SLC24A2: variants seen among roughly 807,000 people sequenced by gnomAD.
The protein encoded by SLC24A2 is sodium/potassium/calcium exchanger 2.
A neutral mutation model predicts 62.0 loss-of-function variants in SLC24A2; 36 were observed. That is an observed-to-expected ratio of 0.58 (90% CI 0.44 to 0.77). SLC24A2 has a LOEUF of 0.77. Ranked by LOEUF, SLC24A2 falls within the 30% of genes least tolerant of loss-of-function variation. SLC24A2 has a pLI of 0.00. For synonymous variants in SLC24A2, 358 were observed against 294.0 expected (o/e 1.22, Z -2.23); for missense variants, 846 against 817.9 (o/e 1.03, Z -0.42).
At chr9:19,673,294 C>G (rs1385217373) in intron 2 of SLC24A2, among the ~76,000 whole-genome samples, 1 of 146,242 alleles carries the variant, frequency 6.8e-6, no homozygotes, top group Non-Finnish European at 1.5e-5. Flanking sequence ...TATAATGTCC[C>G]TCTTTGTTCT....
At chr9:19,700,574 T>C (rs1369963432) in intron 2 of SLC24A2, among the ~76,000 whole-genome samples, 1 of 152,202 alleles carries the variant, frequency 6.6e-6, no homozygotes, top group Non-Finnish European at 1.5e-5. Flanking sequence ...TATGGGGTCA[T>C]TTGAGCCTGA....
the SLC24A2 span, among the ~76,000 whole-genome samples, chr9:20,238,289 A>T: frequency 6.6e-6 from 1 of 152,194 alleles, no homozygotes; most frequent in Non-Finnish European, 1.5e-5. Context: ...AGAGAGGTGC[A>T]GTGTCTTATG....
the SLC24A2 span, among the ~76,000 whole-genome samples, chr9:19,945,245 C>T: frequency 1.3e-5 from 2 of 151,980 alleles, no homozygotes; most frequent in Admixed American, 1.3e-4. Flanking sequence ...CAGGACCAGG[C>T]TCTTCTAGCA....
the SLC24A2 span, among the ~76,000 whole-genome samples, chr9:19,897,640 A>T: frequency 6.6e-6 from 1 of 152,230 alleles, no homozygotes; most frequent in Non-Finnish European, 1.5e-5. Context: ...TATTAAATAG[A>T]AAGGTTCTAA....
the SLC24A2 span, among the ~76,000 whole-genome samples, chr9:19,999,577 A>C: frequency 1.3e-5 from 2 of 152,206 alleles, no homozygotes; most frequent in East Asian, 3.8e-4. Context: ...AATGAGCTAC[A>C]AAAGGTTTGC....
At chr9:19,700,237 T>G (rs1319611101) in intron 2 of SLC24A2, among the ~76,000 whole-genome samples, 1 of 152,122 alleles carries the variant, frequency 6.6e-6, no homozygotes, top group African/African-American at 2.4e-5. Flanking sequence ...GCCTCACAAT[T>G]TGTCAAGTAG....
chr9:20,167,994 C>G, the SLC24A2 span, among the ~76,000 whole-genome samples: 1 of 151,924 alleles, frequency 6.6e-6, no homozygotes, highest in Non-Finnish European at 1.5e-5. Context: ...GGCACTCTTT[C>G]CTTGTTTGAC....
chr9:19,848,087 C>T, the SLC24A2 span, among the ~76,000 whole-genome samples: 1 of 152,202 alleles, frequency 6.6e-6, no homozygotes, highest in Non-Finnish European at 1.5e-5. Context: ...TAATTTCTTG[C>T]CTTATTATTT....
intron 4 of SLC24A2, among the ~76,000 whole-genome samples, chr9:19,606,966 C>G (rs1837001567): frequency 1.3e-5 from 2 of 152,156 alleles, no homozygotes; most frequent in Admixed American, 6.5e-5. Context: ...GTGCAAATCC[C>G]AGATGGAAGA....
the SLC24A2 span, among the ~76,000 whole-genome samples, chr9:20,039,920 G>A: frequency 3.9e-5 from 6 of 152,282 alleles, no homozygotes; most frequent in Non-Finnish European, 5.9e-5. Flanking sequence ...TTAGGCAGAG[G>A]TCAAATGATG....
At chr9:20,232,063 C>A in the SLC24A2 span, among the ~76,000 whole-genome samples, 1 of 152,120 alleles carries the variant, frequency 6.6e-6, no homozygotes. Flanking sequence ...GTTGAACCAG[C>A]CTTGCATCCC....
At chr9:19,951,803 T>C in the SLC24A2 span, among the ~76,000 whole-genome samples, 2 of 152,170 alleles carry the variant, frequency 1.3e-5, no homozygotes, top group Admixed American at 1.3e-4. Context: ...AAAATTGTCA[T>C]GATTATTCTC....
chr9:19,609,886 C>T (rs1335183778), intron 4 of SLC24A2, among the ~76,000 whole-genome samples: 1 of 152,132 alleles, frequency 6.6e-6, no homozygotes, highest in African/African-American at 2.4e-5. Flanking sequence ...CTCACATGCA[C>T]AGTTCACCAT....
chr9:20,242,276 G>A, the SLC24A2 span, among the ~76,000 whole-genome samples: 4 of 152,194 alleles, frequency 2.6e-5, no homozygotes, highest in East Asian at 1.9e-4. Flanking sequence ...AAGGCTTGTG[G>A]AGTCCTGAGA....
At chr9:19,868,739 A>G in the SLC24A2 span, among the ~76,000 whole-genome samples, 6 of 151,982 alleles carry the variant, frequency 3.9e-5, no homozygotes, top group African/African-American at 1.5e-4. Context: ...GTCTCTAGCA[A>G]TTGTTCTTTT....
the SLC24A2 span, among the ~76,000 whole-genome samples, chr9:19,987,204 T>C: frequency 6.6e-6 from 1 of 152,074 alleles, no homozygotes; most frequent in African/African-American, 2.4e-5. Flanking sequence ...TCATGAGGGT[T>C]GGAGGTACCT....
At chr9:19,593,279 C>A (rs946774082) in intron 5 of SLC24A2, among the ~76,000 whole-genome samples, 2 of 152,200 alleles carry the variant, frequency 1.3e-5, no homozygotes, top group African/African-American at 4.8e-5. Context: ...TGTTTAATCT[C>A]CTCCGCTCTG....
chr9:19,555,419 C>T (rs887806604), intron 7 of SLC24A2, among the ~76,000 whole-genome samples: 9 of 152,138 alleles, frequency 5.9e-5, no homozygotes, highest in African/African-American at 1.9e-4. Context: ...AATTTGTAAC[C>T]TGTACCCAAC....
At chr9:19,855,721 C>G in the SLC24A2 span, among the ~76,000 whole-genome samples, 1 of 152,118 alleles carries the variant, frequency 6.6e-6, no homozygotes, top group Non-Finnish European at 1.5e-5. Context: ...GCCCTTAACA[C>G]TTTTTCCTTC....
Sources: allele counts gnomAD v4.1 joint callset (sites outside exome capture counted in the v4.1 genomes callset), GRCh38; gene constraint gnomAD v4.1.1; transcripts MANE v1.5; gene names NCBI Gene and HGNC (gene_info 2026-07-23, HGNC 2026-07-21).